Variants in ADGB observed in about 807,000 individuals in gnomAD.
ADGB encodes the protein androglobin.
ADGB carries 172 observed loss-of-function variants against 210.5 expected under a neutral mutation model. The observed-to-expected ratio is 0.82, with a 90% CI of 0.72 to 0.93. The LOEUF (loss-of-function observed/expected upper bound fraction) is 0.93, where lower values mean the gene tolerates loss of function less well. Among genes scored for constraint, ADGB ranks in the 40% least tolerant of loss-of-function variants. The pLI, the probability that ADGB is intolerant of heterozygous loss-of-function variation, is 0.00. For synonymous variants in ADGB, 658 were observed against 662.7 expected, an observed-to-expected ratio of 0.99 and a Z score of 0.11; for missense variants, 2,025 against 1,964.8, an observed-to-expected ratio of 1.03 and a Z score of -0.58.
At chr6:146,680,492 T>A (rs1776143253) in intron 9 of ADGB, among the ~76,000 whole-genome samples, 1 of 152,234 alleles carries the variant, frequency 6.6e-6, no homozygotes, top group Non-Finnish European at 1.5e-5. Context: ...TGAGTACTAA[T>A]AACAAGGTGA....
intron 10 of ADGB, among the ~76,000 whole-genome samples, chr6:146,689,166 C>G (rs1182214086): frequency 2.6e-5 from 4 of 152,080 alleles, no homozygotes; most frequent in East Asian, 1.9e-4. Context: ...AAGGAAACTT[C>G]TAATTTAAGT....
chr6:146,692,081 C>A (rs1041521565), intron 11 of ADGB, among the ~76,000 whole-genome samples: 14 of 152,068 alleles, frequency 9.2e-5, no homozygotes, highest in African/African-American at 3.1e-4. Context: ...AACAGTTATT[C>A]ATTCAGGGCA....
At chr6:146,770,842 T>C (rs1777640355) in intron 29 of ADGB, among the ~76,000 whole-genome samples, 1 of 152,076 alleles carries the variant, frequency 6.6e-6, no homozygotes, top group South Asian at 2.1e-4. Context: ...TTTGAACGAG[T>C]GGCTGTGCTA....
chr6:146,768,659 T>G (rs1017363873), intron 28 of ADGB, among the ~76,000 whole-genome samples: 1 of 152,206 alleles, frequency 6.6e-6, no homozygotes, highest in Admixed American at 6.5e-5. Context: ...TATTTTTTTC[T>G]GTGTCATGAT....
chr6:146,648,696 A>G (rs144305577), intron 3 of ADGB, among the ~76,000 whole-genome samples: 1 of 152,130 alleles, frequency 6.6e-6, no homozygotes. Context: ...ATTACAATTC[A>G]ACATTAGATT....
At chr6:146,621,020 G>A (rs1229385258) in intron 1 of ADGB, among the ~76,000 whole-genome samples, 9 of 152,090 alleles carry the variant, frequency 5.9e-5, no homozygotes, top group Admixed American at 5.9e-4. Context: ...TGAGCACCAG[G>A]ACTAAAACAC....
chr6:146,646,809 C>T (rs1399238672), intron 3 of ADGB, among the ~76,000 whole-genome samples: 3 of 152,054 alleles, frequency 2.0e-5, no homozygotes, highest in Non-Finnish European at 4.4e-5. Context: ...GAATCACAGG[C>T]TGGCTATGGT....
chr6:146,784,580 G>A (rs1258493797), intron 30 of ADGB, 38 bp from the exon 31 acceptor site: 2 of 1,446,694 alleles, frequency 1.4e-6, no homozygotes, highest in East Asian at 2.5e-5. Context: ...TTTGAAAGAA[G>A]GAAAGCATGC....
At chr6:146,686,449 G>A (rs1776235413) in intron 10 of ADGB, among the ~76,000 whole-genome samples, 1 of 151,898 alleles carries the variant, frequency 6.6e-6, no homozygotes, top group Admixed American at 6.6e-5. Context: ...TCTATATTCT[G>A]TGTTTGTATG....
At chr6:146,747,880 T>A (rs1352783891) in intron 26 of ADGB, among the ~76,000 whole-genome samples, 1 of 151,034 alleles carries the variant, frequency 6.6e-6, no homozygotes, top group Non-Finnish European at 1.5e-5. Flanking sequence ...CCTCCCGGGT[T>A]CAAGTGATTC....
chr6:146,728,545 A>G lies in ADGB; in HGVS notation c.2353-29A>G, dbSNP rs990847142. 2.6e-6 allele frequency: 4 copies of G among 1,543,132 alleles called. No homozygotes were observed. In the South Asian group the frequency reaches 4.8e-5, roughly 19 times the overall value. On this transcript the variant is annotated intron_variant, in intron 19 of 35. Coordinates refer to ENST00000397944, the MANE Select transcript of ADGB (RefSeq NM_024694.4). ...ACTAGATGACACTTAAGGATGAGTGAGGATGGCTGCCATGCTTTGTCTTCA... is the reference window on the plus strand; with the variant it reads ...ACTAGATGACACTTAAGGATGAGTGGGGATGGCTGCCATGCTTTGTCTTCA...
chr6:146,792,284 T>A (rs1777965388), intron 33 of ADGB, among the ~76,000 whole-genome samples: 2 of 152,208 alleles, frequency 1.3e-5, no homozygotes, highest in African/African-American at 4.8e-5. Flanking sequence ...TTGGTAGGGA[T>A]TGTATTGAAT....
At chr6:146,690,760 A>C (rs1349319530) in intron 10 of ADGB, among the ~76,000 whole-genome samples, 1 of 152,214 alleles carries the variant, frequency 6.6e-6, no homozygotes, top group African/African-American at 2.4e-5. Context: ...TTTAATTTAC[A>C]TATTAAGCAC....
chr6:146,662,019 C>T (rs1041121760), intron 5 of ADGB, among the ~76,000 whole-genome samples: 1 of 152,128 alleles, frequency 6.6e-6, no homozygotes. Context: ...TGTCCTTCCC[C>T]TCTAACAGGT....
Position 146,599,056 on chromosome 6 carries a change from A to G in ADGB, c.16A>G (p.Thr6Ala), listed in dbSNP as rs2114817709. 1.9e-6 allele frequency: 3 copies of G among 1,551,638 alleles called. No individual in the cohort carries two copies. Among genetic ancestry groups the G allele is most frequent in the Middle Eastern group, 1.7e-4 (1 of 5,992 alleles). MASKQ[T>A]KKKEVHRINS... ...GGCTTCTGCCATGGCCTCCAAACAA[A>G]CCAAAAAGAAAGAGGTGCATCGTAT... The change falls in exon 1 of 36, where the codon ACC becomes GCC. Residue 6 changes from threonine to alanine, a missense_variant. Thr to Ala is a moderately conservative substitution (Grantham distance 58, BLOSUM62 0). Transcript: ENST00000397944.
At chr6:146,726,413 C>G (rs1198691164) in intron 19 of ADGB, among the ~76,000 whole-genome samples, 1 of 151,908 alleles carries the variant, frequency 6.6e-6, no homozygotes, top group Admixed American at 6.6e-5. Context: ...TTATTAGAGA[C>G]GGGGTTTCAC....
rs71031007 is a variant in ADGB at position 146,691,500 on chromosome 6, A to ATTTTTTTTT, written c.1486+227_1486+235dup. Among the ~76,000 whole-genome samples, 13 of 13,640 alleles carry ATTTTTTTTT rather than the reference A, an allele frequency of 9.5e-4. 3 individuals carry two copies. Among genetic ancestry groups the ATTTTTTTTT allele is most frequent in the Admixed American group, 1.7e-3 (1 of 584 alleles). The allele number at this position is 13,640 out of a possible 152,430, so 8.9% of individuals were successfully genotyped here. A position where few individuals can be genotyped will look rare whatever the true frequency, so the allele number is the denominator to read the frequency against. On this transcript the variant is annotated intron_variant, in intron 11 of 35. Coordinates refer to ENST00000397944, the MANE Select transcript of ADGB (RefSeq NM_024694.4). ...TAAATATATATATATATATATATAT[A>ATTTTTTTTT]TTTTTTTTTTTTTTTTTTTTTTTTT... is the stretch of plus-strand genomic sequence containing the variant.
chr6:146,792,676 G>A (rs775029670), intron 33 of ADGB, among the ~76,000 whole-genome samples: 1 of 151,896 alleles, frequency 6.6e-6, no homozygotes, highest in Non-Finnish European at 1.5e-5. Context: ...TTGCAATAAA[G>A]TCTACGTAGT....
In ADGB at chr6:146,691,473, TATAA is replaced by T. The variant is rs1776322091; in HGVS notation, c.1486+187_1486+190del. Among the ~76,000 whole-genome samples, 3 of 50,190 alleles carry T rather than the reference TATAA, an allele frequency of 6.0e-5. No individual in the cohort carries two copies. In the African/African-American group the frequency reaches 6.9e-4, roughly 12 times the overall value. The allele number at this position is 50,190 out of a possible 152,430, so 32.9% of individuals were successfully genotyped here. ...ATATATATATAAAAATATATATATA[TATAA>T]ATATATATATATATATATATATATT... On this transcript the variant is annotated intron_variant, in intron 11 of 35. Transcript: ENST00000397944.
Sources: allele counts gnomAD v4.1 joint callset (sites outside exome capture counted in the v4.1 genomes callset), GRCh38; gene constraint gnomAD v4.1.1; transcripts MANE v1.5; gene names NCBI Gene and HGNC (gene_info 2026-07-23, HGNC 2026-07-21).